Variants in TEX36 observed in about 807,000 individuals in gnomAD.
TEX36 encodes the protein testis expressed 36, also known as testis-expressed protein 36.
TEX36 carries 12 observed loss-of-function variants against 13.6 expected under a neutral mutation model. The observed-to-expected ratio is 0.88, with a 90% CI of 0.56 to 1.43. TEX36 has a LOEUF of 1.43. Ranked by LOEUF, TEX36 falls within the 40% of genes most tolerant of loss-of-function variation. The pLI is 0.00. For synonymous variants in TEX36, 93 were observed against 83.0 expected (o/e 1.12, Z -0.65); for missense variants, 224 against 228.3 (o/e 0.98, Z 0.12).
At chr10:125,619,405 C>T (rs1327313351), downstream of TEX36, among the ~76,000 whole-genome samples, 2 of 152,004 alleles carry the variant, frequency 1.3e-5, no homozygotes, top group Non-Finnish European at 2.9e-5. Flanking sequence ...GTCCCTGCCC[C>T]AACACCACCA....
At chr10:125,678,495 C>A (rs1164454545) in intron 1 of TEX36, among the ~76,000 whole-genome samples, 1 of 152,064 alleles carries the variant, frequency 6.6e-6, no homozygotes, top group Non-Finnish European at 1.5e-5. Context: ...TGGGCCAATT[C>A]TTGGGCCTCC....
chr10:125,627,953 C>T (rs991005652), intron 3 of TEX36, among the ~76,000 whole-genome samples: 7 of 152,166 alleles, frequency 4.6e-5, no homozygotes, highest in African/African-American at 1.7e-4. Context: ...GATTAAGAGA[C>T]TTGTCCAGGC....
At chr10:125,625,082 G>A (rs1476115531) in intron 3 of TEX36, among the ~76,000 whole-genome samples, 5 of 152,172 alleles carry the variant, frequency 3.3e-5, no homozygotes, top group Admixed American at 1.3e-4. Context: ...CAGAAAGTCC[G>A]TGCTGACTCT....
chr10:125,630,290 G>C (rs1391459550), intron 3 of TEX36, among the ~76,000 whole-genome samples: 1 of 152,192 alleles, frequency 6.6e-6, no homozygotes, highest in African/African-American at 2.4e-5. Flanking sequence ...ACAGGGGATG[G>C]ATTATCTGGG....
intron 3 of TEX36, among the ~76,000 whole-genome samples, chr10:125,639,080 G>A (rs1001921131): frequency 9.2e-5 from 14 of 152,176 alleles, no homozygotes; most frequent in Non-Finnish European, 1.9e-4. Context: ...AATTAGCAGT[G>A]AAAGAATTCA....
intron 3 of TEX36, among the ~76,000 whole-genome samples, chr10:125,657,643 G>A (rs1846969683): frequency 6.6e-6 from 1 of 152,102 alleles, no homozygotes; most frequent in Admixed American, 6.6e-5. Flanking sequence ...TGGAAAGGAG[G>A]GAGGGAAACA....
chr10:125,636,126 C>T (rs9422777), intron 3 of TEX36, among the ~76,000 whole-genome samples: 11,361 of 151,890 alleles, frequency 0.075, 628 homozygotes, highest in South Asian at 0.17. Context: ...CCACCTGTCC[C>T]GGCCTCCCAA....
intron 3 of TEX36, among the ~76,000 whole-genome samples, chr10:125,588,566 A>G (rs2133529926): frequency 6.6e-6 from 1 of 151,512 alleles, no homozygotes; most frequent in Middle Eastern, 3.4e-3. Flanking sequence ...AGAAAGAGGG[A>G]GAGAAGCGGG....
chr10:125,681,367 A>T (rs1229259764), intron 1 of TEX36, among the ~76,000 whole-genome samples: 1 of 152,248 alleles, frequency 6.6e-6, no homozygotes, highest in Non-Finnish European at 1.5e-5. Flanking sequence ...TATAAAATTC[A>T]GGCTAACAAT....
At chr10:125,577,706 A>G (rs1653469044) in intron 3 of TEX36, among the ~76,000 whole-genome samples, 1 of 152,134 alleles carries the variant, frequency 6.6e-6, no homozygotes, top group Non-Finnish European at 1.5e-5. Context: ...TGTATAGACA[A>G]TTTTGCATCC....
chr10:125,608,864 G>C (rs760663745), intron 3 of TEX36, among the ~76,000 whole-genome samples: 1 of 151,734 alleles, frequency 6.6e-6, no homozygotes, highest in African/African-American at 2.4e-5. Flanking sequence ...GCCGGGCGCG[G>C]TGGCTAACAC....
chr10:125,660,110 T>G (rs1384073539), intron 3 of TEX36, among the ~76,000 whole-genome samples: 1 of 152,148 alleles, frequency 6.6e-6, no homozygotes, highest in Non-Finnish European at 1.5e-5. Flanking sequence ...TTTGGAGAAT[T>G]ATTGGGCTAA....
intron 3 of TEX36, among the ~76,000 whole-genome samples, chr10:125,645,477 G>C (rs1846756625): frequency 6.6e-6 from 1 of 152,078 alleles, no homozygotes; most frequent in Non-Finnish European, 1.5e-5. Flanking sequence ...ATTCACCCTG[G>C]GGACTCTTCA....
chr10:125,580,462 G>T (rs1845869558), intron 3 of TEX36, among the ~76,000 whole-genome samples: 1 of 152,222 alleles, frequency 6.6e-6, no homozygotes, highest in Admixed American at 6.5e-5. Flanking sequence ...AGGGCTATGA[G>T]ATTTAAGTGG....
Position 125,661,886 on chromosome 10 carries a change from G to A in TEX36, c.143C>T (p.Ala48Val). 2.6e-6 allele frequency: 4 copies of A among 1,552,110 alleles called. No individual in the cohort carries two copies. Among genetic ancestry groups the A allele is most frequent in the Non-Finnish European group, 3.5e-6 (4 of 1,147,084 alleles). ...GTATATGGGCGGCAGCTTCCCCTCCGCTTGCCGAGGCAAGTGTGGACTCTG... is the reference window on the plus strand; with the variant it reads ...GTATATGGGCGGCAGCTTCCCCTCCACTTGCCGAGGCAAGTGTGGACTCTG... Reference protein sequence around the residue: ...EPQSPHLPRQAEGKLPPIYKV... With the variant: ...EPQSPHLPRQVEGKLPPIYKV... The change falls in exon 2 of 4, where the codon GCG becomes GTG. Residue 48 changes from alanine to valine, a missense_variant. Physicochemically the swap from Ala to Val is moderately conservative, Grantham distance 64. Transcript: ENST00000368821.
In TEX36 at chr10:125,638,414, A is replaced by G. The variant is rs573719424; in HGVS notation, c.265-16769T>C. On this transcript the variant is annotated intron_variant, in intron 3 of 3. Transcript: ENST00000526819. Reference sequence around the variant, plus strand: ...CAGAAGACAGAAGCAGAGAGATGGCAGTGAGAGAAGGTCTCAGCTCAACGC... The same window carrying G: ...CAGAAGACAGAAGCAGAGAGATGGCGGTGAGAGAAGGTCTCAGCTCAACGC... Among the ~76,000 whole-genome samples, 6 of 152,334 alleles carry G rather than the reference A, an allele frequency of 3.9e-5. No individual in the cohort carries two copies. The South Asian group carries it at 1.0e-3, about 26-fold the overall frequency.
chr10:125,599,353 C>T (rs1774030840), intron 3 of TEX36, among the ~76,000 whole-genome samples: 1 of 152,208 alleles, frequency 6.6e-6, no homozygotes, highest in Non-Finnish European at 1.5e-5. Flanking sequence ...TGCCAGGCCA[C>T]CACACCTGCC....
intron 1 of TEX36, among the ~76,000 whole-genome samples, chr10:125,668,654 T>C (rs1222208823): frequency 6.6e-6 from 1 of 152,182 alleles, no homozygotes. Flanking sequence ...TTTTCTTTTT[T>C]AAAGAATCAA....
intron 3 of TEX36, among the ~76,000 whole-genome samples, chr10:125,580,489 G>T (rs191488784): frequency 2.0e-5 from 3 of 152,298 alleles, no homozygotes; most frequent in African/African-American, 7.2e-5. Context: ...GCCTGTCCCA[G>T]TGCCTGGAGG....
Sources: allele counts gnomAD v4.1 joint callset (sites outside exome capture counted in the v4.1 genomes callset), GRCh38; gene constraint gnomAD v4.1.1; transcripts MANE v1.5; gene names NCBI Gene and HGNC (gene_info 2026-07-23, HGNC 2026-07-21).